MBD5: variants seen among roughly 807,000 people sequenced by gnomAD.
MBD5 encodes the protein methyl-CpG-binding domain protein 5.
MBD5 carries 13 observed loss-of-function variants against 117.3 expected under a neutral mutation model. That is an observed-to-expected ratio of 0.11 (90% CI 0.07 to 0.18). The LOEUF (loss-of-function observed/expected upper bound fraction) is 0.18. Ranked by LOEUF, MBD5 falls within the 10% of genes least tolerant of loss-of-function variation. The pLI is 1.00. For synonymous variants in MBD5, 727 were observed against 766.4 expected (o/e 0.95, Z 0.85); for missense variants, 1,879 against 2,093.8 (o/e 0.90, Z 2.00).
At chr2:148,384,130 G>C (rs1401287618) in intron 4 of MBD5, among the ~76,000 whole-genome samples, 1 of 152,076 alleles carries the variant, frequency 6.6e-6, no homozygotes, top group Non-Finnish European at 1.5e-5. Flanking sequence ...GCAGGAGAAG[G>C]AAATAAAGGG....
intron 3 of MBD5, among the ~76,000 whole-genome samples, chr2:148,275,140 A>AT (rs1316951733): frequency 1.3e-5 from 2 of 152,010 alleles, no homozygotes; most frequent in Non-Finnish European, 2.9e-5. Flanking sequence ...GTTTTCCTTT[A>AT]TTTTTTAAAA....
intron 1 of MBD5, among the ~76,000 whole-genome samples, chr2:148,163,269 G>C (rs889865125): frequency 6.6e-6 from 1 of 152,108 alleles, no homozygotes; most frequent in Non-Finnish European, 1.5e-5. Context: ...GCCTAAGCCT[G>C]GACTTTAGGC....
rs776726880 is a variant in MBD5, at chr2:148,510,072, A to C, written c.5049A>C (p.Leu1683=). 2 of 1,611,098 alleles carry C rather than the reference A, an allele frequency of 1.2e-6. No individual in the cohort carries two copies. Among genetic ancestry groups the C allele is most frequent in the African/African-American group, 2.7e-5 (2 of 74,864 alleles). ...TCATTAATTCCAGAAGTGGAAAGCT[A>C]AATAACCATTTAGAAGCTGCTATTC... The part of the protein sequence containing the change: ...VRKRNRKSGK[L]NNHLEAAIHE... The change falls in exon 13 of 14, where the codon CTA becomes CTC. Residue 1683 remains leucine, a synonymous_variant. Coordinates refer to ENST00000642680, the MANE Select transcript of MBD5 (RefSeq NM_001378120.1).
At chr2:148,447,182 A>G (rs62184009) in intron 4 of MBD5, among the ~76,000 whole-genome samples, 1 of 7,442 alleles carries the variant, frequency 1.3e-4, no homozygotes, top group Non-Finnish European at 2.0e-3. Context: ...GAAGAAGGAA[A>G]GAAAGAAAGA....
At chr2:148,111,061 A>G (rs1301366114) in intron 1 of MBD5, among the ~76,000 whole-genome samples, 3 of 152,038 alleles carry the variant, frequency 2.0e-5, no homozygotes, top group Admixed American at 6.6e-5. Context: ...TTAGTTCATT[A>G]TTTTTTAATG....
At chr2:148,072,162 T>C (rs1695373859) in intron 1 of MBD5, 1 of 152,174 alleles carries the variant, frequency 6.6e-6, no homozygotes, top group African/African-American at 2.4e-5. Flanking sequence ...AATATAATAA[T>C]AGCACTTATC....
intron 2 of MBD5, among the ~76,000 whole-genome samples, chr2:148,180,173 C>A (rs1383206321): frequency 2.0e-5 from 3 of 151,116 alleles, no homozygotes; most frequent in African/African-American, 7.3e-5. Context: ...CTCTTGAAAA[C>A]ATAAGTGATA....
chr2:148,420,314 T>C (rs1705561483), intron 4 of MBD5, among the ~76,000 whole-genome samples: 1 of 152,224 alleles, frequency 6.6e-6, no homozygotes, highest in Non-Finnish European at 1.5e-5. Context: ...TTAGAGTCTA[T>C]GTTCCATATT....
intron 7 of MBD5, 73 bp from the exon 8 acceptor site, chr2:148,468,268 C>A: frequency 1.5e-6 from 2 of 1,292,600 alleles, no homozygotes. Flanking sequence ...TGATTTCCTC[C>A]ATTCCTTCCC....
At chr2:148,345,217 T>TACACACACACAC (rs1553503434) in intron 4 of MBD5, among the ~76,000 whole-genome samples, 103 of 109,192 alleles carry the variant, frequency 9.4e-4, no homozygotes, top group African/African-American at 3.4e-3. Context: ...TATGTATATA[T>TACACACACACAC]ACACACACAC....
chr2:148,231,708 T>C (rs1241790788), intron 2 of MBD5, among the ~76,000 whole-genome samples: 1 of 152,196 alleles, frequency 6.6e-6, no homozygotes, highest in Non-Finnish European at 1.5e-5. Flanking sequence ...CATGTTTGAC[T>C]TCAGGGTGCT....
At chr2:148,333,675 C>A (rs892613575) in intron 3 of MBD5, among the ~76,000 whole-genome samples, 1 of 137,328 alleles carries the variant, frequency 7.3e-6, no homozygotes, top group African/African-American at 2.8e-5. Context: ...AACCCTGTCT[C>A]TGCTGAAAAA....
At chr2:148,377,802 G>A (rs1244040201) in intron 4 of MBD5, among the ~76,000 whole-genome samples, 2 of 151,982 alleles carry the variant, frequency 1.3e-5, no homozygotes, top group Non-Finnish European at 2.9e-5. Context: ...CTTCTTTGAG[G>A]GTATCCTCGA....
chr2:148,178,404 C>A (rs981976214), intron 1 of MBD5, among the ~76,000 whole-genome samples: 1 of 152,046 alleles, frequency 6.6e-6, no homozygotes, highest in African/African-American at 2.4e-5. Context: ...TATTTTAAAT[C>A]GTATAAAAAT....
rs1453149649 is a variant in MBD5, at chr2:148,494,069, G to A, written c.4962+3475G>A. ...GTAGATTATTATCTAGCACATCAAAGAGGTTCAGTAAACATTAACCTCCTA... is the reference window on the plus strand; with the variant it reads ...GTAGATTATTATCTAGCACATCAAAAAGGTTCAGTAAACATTAACCTCCTA... On this transcript the variant is annotated intron_variant, in intron 11 of 13. Coordinates refer to ENST00000642680, the MANE Select transcript of MBD5 (RefSeq NM_001378120.1). 1.3e-5 allele frequency among the ~76,000 whole-genome samples: 2 copies of A among 152,146 alleles called. 1 individual carries two copies. Among genetic ancestry groups the A allele is most frequent in the Admixed American group, 1.3e-4 (2 of 15,282 alleles).
chr2:148,441,659 T>C (rs1229666867), intron 4 of MBD5, among the ~76,000 whole-genome samples: 2 of 152,106 alleles, frequency 1.3e-5, no homozygotes, highest in Non-Finnish European at 2.9e-5. Context: ...TTTCTAGTTC[T>C]AGATCCCTGA....
chr2:148,202,171 G>T lies in MBD5; in HGVS notation c.-831+23378G>T, dbSNP rs904943242. ...CTGCATGGAGCTTACTACCTTATTA[G>T]GGAAGACAAACAATAAACAAGTAAA... On this transcript the variant is annotated intron_variant, in intron 2 of 13. Transcript: ENST00000642680. Among the ~76,000 whole-genome samples, 4 of 152,072 alleles carry T rather than the reference G, an allele frequency of 2.6e-5. No homozygotes were observed. The South Asian group carries it at 8.3e-4, about 32-fold the overall frequency.
At chr2:148,151,124 C>A (rs1397544213) in intron 1 of MBD5, among the ~76,000 whole-genome samples, 2 of 149,864 alleles carry the variant, frequency 1.3e-5, no homozygotes, top group Non-Finnish European at 3.0e-5. Context: ...CCATCAATAC[C>A]TAATTTATTG....
intron 1 of MBD5, among the ~76,000 whole-genome samples, chr2:148,042,451 C>T (rs1694388557): frequency 6.6e-6 from 1 of 151,530 alleles, no homozygotes; most frequent in African/African-American, 2.4e-5. Flanking sequence ...AAACAAGAGG[C>T]CAAAGAACCT....
Sources: gnomAD v4.1 joint callset for allele counts (sites outside exome capture counted in the v4.1 genomes callset) on GRCh38, gnomAD v4.1.1 for gene constraint, MANE v1.5 for transcripts, NCBI Gene and HGNC (gene_info 2026-07-23, HGNC 2026-07-21) for gene names.